The following PDE10A variants were observed in gnomAD, a reference collection of about 807,000 sequenced individuals.
PDE10A encodes phosphodiesterase 10A, also known as cAMP and cAMP-inhibited cGMP 3',5'-cyclic phosphodiesterase 10A.
In PDE10A, 39 loss-of-function variants were observed where a neutral mutation model predicts 97.7. That is an observed-to-expected ratio of 0.40 (90% CI 0.31 to 0.52). The LOEUF (loss-of-function observed/expected upper bound fraction) is 0.52. Among genes scored for constraint, PDE10A ranks in the 20% least tolerant of loss-of-function variants. The pLI, the probability that PDE10A is intolerant of heterozygous loss-of-function variation, is 0.56. For synonymous variants in PDE10A, 371 were observed against 376.8 expected (o/e 0.98, Z 0.18); for missense variants, 731 against 1,047.8 (o/e 0.70, Z 4.17).
chr6:165,579,618 TC>T (rs1219753683), intron 1 of PDE10A, among the ~76,000 whole-genome samples: 2 of 152,318 alleles, frequency 1.3e-5, no homozygotes, highest in Admixed American at 1.3e-4. Flanking sequence ...CCAATAGCTT[TC>T]TAACTGGTTA....
chr6:165,384,628 GT>G, intron 17 of PDE10A, among the ~76,000 whole-genome samples: 1 of 75,642 alleles, frequency 1.3e-5, no homozygotes, highest in Non-Finnish European at 2.4e-5. Context: ...GTATGTGTGA[GT>G]GAGTGTGTGT....
chr6:165,810,667 C>T (rs1259893364), intron 1 of PDE10A, among the ~76,000 whole-genome samples: 1 of 152,108 alleles, frequency 6.6e-6, no homozygotes, highest in African/African-American at 2.4e-5. Context: ...CCCTACAAGC[C>T]TCCTCTTCCC....
At chr6:165,943,230 AGAAAGAAGGAAGGAAGGAAGGAAG>A (rs1562809800) in intron 1 of PDE10A, among the ~76,000 whole-genome samples, 28 of 40,168 alleles carry the variant, frequency 7.0e-4, no homozygotes, top group Non-Finnish European at 1.1e-3. Context: ...AAAGAAAGAA[AGAAAGAAGGAAGGAAGGAAGGAAG>A]GAAGGAAGGA....
chr6:165,916,453 G>A lies in PDE10A; in HGVS notation c.-615+71076C>T, dbSNP rs1562796837. On this transcript the variant is annotated intron_variant, in intron 1 of 19. Transcript: ENST00000366882. ...CAGTTTTCTTCTGCCATATTTCAGT[G>A]AGTTTGTCATATCGTAAATGAAGGT... 2.6e-5 allele frequency among the ~76,000 whole-genome samples: 4 copies of A among 152,312 alleles called. No individual in the cohort carries two copies. In the South Asian group the frequency reaches 8.3e-4, roughly 32 times the overall value.
rs192890571 is a variant in PDE10A, at chr6:165,858,434, C to T, written c.-615+129095G>A. On this transcript the variant is annotated intron_variant, in intron 1 of 19. Coordinates refer to the PDE10A transcript ENST00000366882. The stretch of plus-strand genomic sequence containing the variant: ...CTTCCTGGCATTTTGATTATGAGAA[C>T]CATGAGTTTAAACCTGATGCCTTCA... Among the ~76,000 whole-genome samples, 1,262 of 152,246 alleles carry T rather than the reference C, an allele frequency of 8.3e-3. 7 individuals carry two copies. Among genetic ancestry groups the T allele is most frequent in the Non-Finnish European group, 0.013 (872 of 68,020 alleles).
intron 1 of PDE10A, among the ~76,000 whole-genome samples, chr6:165,622,250 G>A (rs1788174068): frequency 6.6e-6 from 1 of 151,188 alleles, no homozygotes; most frequent in East Asian, 1.9e-4. Context: ...ACCTCTCTCT[G>A]TCTCTGTATA....
chr6:165,679,247 T>G (rs573194629), intron 1 of PDE10A, among the ~76,000 whole-genome samples: 1 of 152,326 alleles, frequency 6.6e-6, no homozygotes, highest in East Asian at 1.9e-4. Context: ...TAGCTCTATT[T>G]AAGAACTAAT....
intron 1 of PDE10A, among the ~76,000 whole-genome samples, chr6:165,875,740 T>TGTTTTG (rs1554334704): frequency 2.7e-4 from 39 of 146,692 alleles, no homozygotes; most frequent in Non-Finnish European, 5.2e-4. Flanking sequence ...TGTTTTTTTT[T>TGTTTTG]TTTTTTTGTG....
intron 1 of PDE10A, among the ~76,000 whole-genome samples, chr6:165,668,599 T>A (rs183026304): frequency 6.6e-6 from 1 of 152,068 alleles, no homozygotes; most frequent in African/African-American, 2.4e-5. Flanking sequence ...ATCTCAGAAG[T>A]AAGGATTAAA....
At chr6:165,851,013 G>A (rs1008340222) in intron 1 of PDE10A, among the ~76,000 whole-genome samples, 2 of 152,198 alleles carry the variant, frequency 1.3e-5, no homozygotes, top group Non-Finnish European at 2.9e-5. Context: ...GACTCTGCCT[G>A]CGTGTATAGG....
intron 1 of PDE10A, among the ~76,000 whole-genome samples, chr6:165,888,662 G>A (rs1781697360): frequency 6.6e-6 from 1 of 152,134 alleles, no homozygotes; most frequent in Non-Finnish European, 1.5e-5. Context: ...GTTTGTTTGT[G>A]GATGTTTTCC....
intron 1 of PDE10A, among the ~76,000 whole-genome samples, chr6:165,927,490 A>T (rs1486147475): frequency 2.0e-5 from 3 of 151,904 alleles, no homozygotes; most frequent in African/African-American, 7.3e-5. Flanking sequence ...AAATAATATA[A>T]ATGTATAAAT....
At chr6:165,555,955 T>A (rs1784229972) in intron 1 of PDE10A, among the ~76,000 whole-genome samples, 1 of 152,124 alleles carries the variant, frequency 6.6e-6, no homozygotes, top group Non-Finnish European at 1.5e-5. Flanking sequence ...ATAATTATAC[T>A]GGAAAAAATT....
At chr6:165,358,837 A>G (rs1418970796) in intron 18 of PDE10A, among the ~76,000 whole-genome samples, 2 of 151,904 alleles carry the variant, frequency 1.3e-5, no homozygotes, top group East Asian at 3.9e-4. Flanking sequence ...ATACAGTTTC[A>G]GTAGATAAAT....
intron 1 of PDE10A, among the ~76,000 whole-genome samples, chr6:165,610,782 T>C (rs770867960): frequency 2.0e-5 from 3 of 152,264 alleles, no homozygotes; most frequent in Non-Finnish European, 4.4e-5. Context: ...CACCTTTATG[T>C]ATGAGAAACC....
chr6:165,592,991 C>T (rs773203263), intron 1 of PDE10A, among the ~76,000 whole-genome samples: 6 of 152,196 alleles, frequency 3.9e-5, no homozygotes, highest in Non-Finnish European at 7.3e-5. Context: ...TATAAAGACA[C>T]ATGCACATGT....
chr6:165,765,554 C>T (rs986449690), intron 1 of PDE10A, among the ~76,000 whole-genome samples: 1 of 143,028 alleles, frequency 7.0e-6, no homozygotes, highest in African/African-American at 2.6e-5. Context: ...TGCCTGGGGC[C>T]GGCAGGGCCG....
chr6:165,425,797 G>GTGTGTA (rs776240558), intron 10 of PDE10A, among the ~76,000 whole-genome samples: 7 of 151,466 alleles, frequency 4.6e-5, no homozygotes, highest in African/African-American at 1.7e-4. Flanking sequence ...GTGTGTGTGT[G>GTGTGTA]TGTATGTATG....
At chr6:165,838,704 T>C (rs1780132716) in intron 1 of PDE10A, among the ~76,000 whole-genome samples, 1 of 152,226 alleles carries the variant, frequency 6.6e-6, no homozygotes, top group Admixed American at 6.5e-5. Context: ...ATTCCAGCTG[T>C]GACTTCCTAC....
Sources: gnomAD v4.1 joint callset for allele counts (sites outside exome capture counted in the v4.1 genomes callset) on GRCh38, gnomAD v4.1.1 for gene constraint, MANE v1.5 for transcripts, NCBI Gene and HGNC (gene_info 2026-07-23, HGNC 2026-07-21) for gene names.